The following HIVEP1 variants were observed in gnomAD, a reference collection of about 807,000 sequenced individuals.
HIVEP1 encodes zinc finger protein 40.
HIVEP1 carries 36 observed loss-of-function variants against 180.0 expected under a neutral mutation model. The ratio of observed to expected loss-of-function variants is 0.20; its 90% CI spans 0.15 to 0.26. The LOEUF (loss-of-function observed/expected upper bound fraction) is 0.26. Among genes scored for constraint, HIVEP1 ranks in the 10% least tolerant of loss-of-function variants. The probability of loss-of-function intolerance (pLI) is 1.00; values close to 1 mark genes in which losing one functional copy is unlikely to be tolerated. For missense variants in HIVEP1, 3,143 were observed against 3,268.7 expected, an observed-to-expected ratio of 0.96 and a Z score of 0.94; for synonymous variants, 1,239 against 1,239.0, an observed-to-expected ratio of 1.00 and a Z score of 0.00.
At chr6:12,177,567 G>A in the HIVEP1 span, among the ~76,000 whole-genome samples, 1 of 152,254 alleles carries the variant, frequency 6.6e-6, no homozygotes, top group African/African-American at 2.4e-5. Context: ...GACCTGTGTA[G>A]CCTGTATTAA....
At chr6:12,115,229 G>A (rs1383682427) in intron 3 of HIVEP1, among the ~76,000 whole-genome samples, 1 of 151,920 alleles carries the variant, frequency 6.6e-6, no homozygotes, top group African/African-American at 2.4e-5. Flanking sequence ...TTTCAAACTC[G>A]TTGGTGCTCT....
At chr6:12,184,650 G>A in the HIVEP1 span, among the ~76,000 whole-genome samples, 3 of 152,028 alleles carry the variant, frequency 2.0e-5, no homozygotes, top group Admixed American at 2.0e-4. Context: ...GCCTCAATCT[G>A]TTGTCACAGA....
At chr6:12,105,709 C>T (rs147408041) in intron 3 of HIVEP1, among the ~76,000 whole-genome samples, 33 of 152,244 alleles carry the variant, frequency 2.2e-4, no homozygotes, top group African/African-American at 6.5e-4. Context: ...CATACACACA[C>T]GCTCTCACAC....
chr6:12,182,188 C>T, the HIVEP1 span, among the ~76,000 whole-genome samples: 2 of 151,932 alleles, frequency 1.3e-5, no homozygotes, highest in Non-Finnish European at 2.9e-5. Context: ...AACTAACGCA[C>T]CTAAAAATCA....
At chr6:12,065,684 T>TGTGTGTGC (rs1291086380) in intron 2 of HIVEP1, among the ~76,000 whole-genome samples, 1 of 67,786 alleles carries the variant, frequency 1.5e-5, no homozygotes, top group South Asian at 5.5e-4. Context: ...TGTGTGTGTG[T>TGTGTGTGC]GTGTGTGCGT....
chr6:12,074,362 A>AT (rs1206336665), intron 2 of HIVEP1, among the ~76,000 whole-genome samples: 1 of 152,146 alleles, frequency 6.6e-6, no homozygotes, highest in African/African-American at 2.4e-5. Flanking sequence ...TTTTAAACTT[A>AT]TTTTTCCGTA....
At chr6:12,178,653 G>C in the HIVEP1 span, among the ~76,000 whole-genome samples, 2 of 152,084 alleles carry the variant, frequency 1.3e-5, no homozygotes, top group African/African-American at 4.8e-5. Flanking sequence ...GGCAGAGGGA[G>C]GTCTGAGTTG....
Position 12,130,944 on chromosome 6 carries a change from T to TATGA in HIVEP1, c.6385+3_6385+6dup, listed in dbSNP as rs1316918375. 6.3e-7 allele frequency: 1 copy of TATGA among 1,593,436 alleles called. No homozygotes were observed. The highest frequency in any genetic ancestry group is 1.7e-5 in the Admixed American group (1 of 58,940). On this transcript the variant is annotated splice_region_variant and intron_variant, in intron 6 of 8. Transcript: ENST00000379388. ...GTAACTTCTCCTTTAAGACTAAAGG[T>TATGA]ATGAGATGCACATTGCTTCAAGGTC...
rs74702758 is a variant in HIVEP1, at chr6:12,039,675, T to G, written c.40+24007T>G. ...AGAAGCGTAAAGCCAGAGTTCTTGA[T>G]TGCAAAGAGTAGAAGTAGCCTCTTT... On this transcript the variant is annotated intron_variant, in intron 2 of 8. Coordinates refer to ENST00000379388, the MANE Select transcript of HIVEP1 (RefSeq NM_002114.4). 8.2e-3 allele frequency among the ~76,000 whole-genome samples: 1,248 copies of G among 152,268 alleles called. 10 individuals carry two copies. Among genetic ancestry groups the G allele is most frequent in the South Asian group, 0.012 (58 of 4,826 alleles).
chr6:12,033,756 T>C (rs888163047), intron 2 of HIVEP1, among the ~76,000 whole-genome samples: 7 of 152,232 alleles, frequency 4.6e-5, no homozygotes, highest in African/African-American at 1.4e-4. Flanking sequence ...TTTAAAAAAA[T>C]ATTAAGTTTT....
At chr6:12,161,320 G>A in intron 7 of HIVEP1, 119 bp from the exon 8 acceptor site, 2 of 941,476 alleles carry the variant, frequency 2.1e-6, no homozygotes, top group South Asian at 3.3e-5. Flanking sequence ...GCTCGTTGTG[G>A]GCAGGGTCCT....
At chr6:12,136,488 C>G (rs1447691580) in intron 7 of HIVEP1, among the ~76,000 whole-genome samples, 1 of 152,184 alleles carries the variant, frequency 6.6e-6, no homozygotes, top group Non-Finnish European at 1.5e-5. Context: ...CTGGACTCCT[C>G]TAGTATTTTA....
At chr6:12,132,781 G>A (rs1404976403) in intron 6 of HIVEP1, among the ~76,000 whole-genome samples, 1 of 152,162 alleles carries the variant, frequency 6.6e-6, no homozygotes. Flanking sequence ...GGCTATCCTT[G>A]CTAAGGAGAC....
chr6:12,051,350 T>C (rs1770527188), intron 2 of HIVEP1, among the ~76,000 whole-genome samples: 1 of 152,034 alleles, frequency 6.6e-6, no homozygotes, highest in Admixed American at 6.6e-5. Context: ...TTTTAGGAGT[T>C]TTTATTTAAA....
chr6:12,167,931 A>G (rs1408557255), downstream of HIVEP1, among the ~76,000 whole-genome samples: 2 of 97,162 alleles, frequency 2.1e-5, no homozygotes, highest in African/African-American at 8.0e-5. Flanking sequence ...ATATCTGCGT[A>G]TATTATATAT....
chr6:12,168,254 A>G (rs1282359470), downstream of HIVEP1, among the ~76,000 whole-genome samples: 2 of 57,494 alleles, frequency 3.5e-5, no homozygotes, highest in Non-Finnish European at 7.1e-5. Context: ...ATATACAGAT[A>G]TACGTGTATA....
chr6:12,064,517 A>G (rs1771441804), intron 2 of HIVEP1, among the ~76,000 whole-genome samples: 1 of 152,236 alleles, frequency 6.6e-6, no homozygotes, highest in Admixed American at 6.5e-5. Flanking sequence ...TAGTGGTGAT[A>G]AAACCTTTTT....
chr6:12,208,457 G>C, the HIVEP1 span, among the ~76,000 whole-genome samples: 2 of 152,178 alleles, frequency 1.3e-5, no homozygotes, highest in Non-Finnish European at 2.9e-5. Flanking sequence ...TAGGAAGGAA[G>C]CCTCCTTGCA....
At chr6:12,204,592 A>C in the HIVEP1 span, among the ~76,000 whole-genome samples, 1 of 152,194 alleles carries the variant, frequency 6.6e-6, no homozygotes, top group African/African-American at 2.4e-5. Context: ...CACTAAAAAA[A>C]TTTGCAGTCA....
Sources: gnomAD v4.1 joint callset for allele counts (sites outside exome capture counted in the v4.1 genomes callset) on GRCh38, gnomAD v4.1.1 for gene constraint, MANE v1.5 for transcripts, NCBI Gene and HGNC (gene_info 2026-07-23, HGNC 2026-07-21) for gene names.